AAGAB: variants seen among roughly 807,000 people sequenced by gnomAD.
AAGAB encodes alpha and gamma adaptin binding protein, also known as alpha- and gamma-adaptin-binding protein p34.
AAGAB carries 38 observed loss-of-function variants against 44.1 expected under a neutral mutation model. That is an observed-to-expected ratio of 0.86 (90% CI 0.67 to 1.13). The LOEUF (loss-of-function observed/expected upper bound fraction) is 1.13. Ranked by LOEUF, AAGAB falls within the 50% of genes most tolerant of loss-of-function variation. The pLI is 0.00. For missense variants in AAGAB, 450 were observed against 373.8 expected (o/e 1.20, Z -1.68); for synonymous variants, 131 against 131.8 (o/e 0.99, Z 0.04).
rs1176532186 is a variant in AAGAB at position 67,236,465 on chromosome 15, C to T, written c.304G>A (p.Ala102Thr). 6.2e-7 allele frequency: 1 copy of T among 1,613,906 alleles called. No homozygotes were observed. Among genetic ancestry groups the T allele is most frequent in the Non-Finnish European group, 8.5e-7 (1 of 1,179,968 alleles). The change falls in exon 3 of 10, where the codon GCA (alanine) becomes ACA (threonine). Residue 102 changes from alanine to threonine, a missense_variant. Transcript: ENST00000261880. Reference sequence around the variant, plus strand: ...ATCACCTCAGGTAACCATGCTTTTGCCAGTGGAAGCCATGAGGAGACACTA... The same window carrying T: ...ATCACCTCAGGTAACCATGCTTTTGTCAGTGGAAGCCATGAGGAGACACTA... ...LDSVSSWLPL[A>T]KAWLPEVMIL...
chr15:67,204,743 T>G (rs77189808), intron 7 of AAGAB, among the ~76,000 whole-genome samples: 2 of 152,344 alleles, frequency 1.3e-5, no homozygotes, highest in Non-Finnish European at 2.9e-5. Context: ...TGTTTCTACC[T>G]TGGCACACTG....
chr15:67,252,880 G>C (rs1567035469), intron 1 of AAGAB, among the ~76,000 whole-genome samples: 1 of 152,182 alleles, frequency 6.6e-6, no homozygotes, highest in Non-Finnish European at 1.5e-5. Flanking sequence ...TCATTTGACA[G>C]GTGTAGCAAA....
chr15:67,222,236 G>GCACACACACACACA (rs1428034588), intron 5 of AAGAB, among the ~76,000 whole-genome samples: 1 of 39,234 alleles, frequency 2.5e-5, no homozygotes, highest in African/African-American at 9.2e-5. Flanking sequence ...GCGCACGCGC[G>GCACACACACACACA]CGCGCGCACA....
intron 5 of AAGAB, among the ~76,000 whole-genome samples, chr15:67,231,048 T>G (rs931959040): frequency 6.7e-6 from 1 of 149,278 alleles, no homozygotes; most frequent in Admixed American, 6.7e-5. Context: ...AATACACAAC[T>G]TTTTTTTTTG....
chr15:67,214,701 C>T (rs772856033), intron 5 of AAGAB, among the ~76,000 whole-genome samples: 4 of 151,648 alleles, frequency 2.6e-5, no homozygotes, highest in East Asian at 1.9e-4. Flanking sequence ...AGTGCAGTGG[C>T]GCGATCTCGG....
rs763336419 is a variant in AAGAB, at chr15:67,209,550, A to G, written c.536-6T>C. ...GCTAAAGCCTTGGTTCCTATCTGAA[A>G]AGGAAAAATACACTTAGTGAAATTT... is the stretch of plus-strand genomic sequence containing the variant. On this transcript the variant is annotated splice_polypyrimidine_tract_variant and splice_region_variant and intron_variant, in intron 5 of 9. Coordinates refer to ENST00000261880, the MANE Select transcript of AAGAB (RefSeq NM_024666.5). 1.2e-6 allele frequency: 2 copies of G among 1,609,912 alleles called. No homozygotes were observed. The highest frequency in any genetic ancestry group is 1.7e-6 in the Non-Finnish European group (2 of 1,176,348).
intron 1 of AAGAB, chr15:67,243,020 G>A (rs926985484): frequency 1.3e-5 from 2 of 152,084 alleles, no homozygotes; most frequent in Non-Finnish European, 2.9e-5. Flanking sequence ...TATCACAGTG[G>A]AAACATTTTA....
Position 67,209,457 on chromosome 15 carries a change from T to G in AAGAB, c.618+5A>C, listed in dbSNP as rs890805128. The G allele has an allele frequency of 6.2e-7, 1 of 1,612,812 alleles. No homozygotes were observed. Among genetic ancestry groups the G allele is most frequent in the Admixed American group, 1.7e-5 (1 of 59,956 alleles). ...AGGGAAAAAAGATCCAAGAAAAACC[T>G]TTACCTCTGGGTGACAGGGATCTGC... On this transcript the variant is annotated splice_donor_5th_base_variant and intron_variant, in intron 6 of 9. Coordinates refer to ENST00000261880, the MANE Select transcript of AAGAB (RefSeq NM_024666.5).
chr15:67,202,710 T>G lies in AAGAB; in HGVS notation c.*111A>C. 1 of 949,792 alleles carries G rather than the reference T, an allele frequency of 1.1e-6. No homozygotes were observed. Among genetic ancestry groups the G allele is most frequent in the Non-Finnish European group, 1.7e-6 (1 of 590,496 alleles). The allele number at this position is 949,792 out of a possible 1,614,324, so 58.8% of individuals were successfully genotyped here. ...AAATTAAGGGGACCCTATAAACAAG[T>G]CAGGCAGCCAACATGATAAGGGCAA... On this transcript the variant is annotated 3_prime_UTR_variant, in exon 10 of 10. Coordinates refer to ENST00000261880, the MANE Select transcript of AAGAB (RefSeq NM_024666.5).
chr15:67,254,418 G>A (rs1659873903), intron 1 of AAGAB, 141 bp downstream of exon 1: 5 of 1,440,392 alleles, frequency 3.5e-6, no homozygotes, highest in Non-Finnish European at 4.6e-6. Flanking sequence ...AGCCACCTGG[G>A]GAGACTGGGC....
In AAGAB at chr15:67,204,038, G is replaced by C. The variant is rs768157646; in HGVS notation, c.820+6C>G. The stretch of plus-strand genomic sequence containing the variant: ...GGAACATATTAGACACAATGGATCT[G>C]ATTACCTTTCATTTCCTTTAACTTT... On this transcript the variant is annotated splice_donor_region_variant and intron_variant, in intron 8 of 9. Transcript: ENST00000261880. 2 of 1,547,712 alleles carry C rather than the reference G, an allele frequency of 1.3e-6. No homozygotes were observed. Among genetic ancestry groups the C allele is most frequent in the South Asian group, 2.2e-5 (2 of 89,206 alleles).
intron 5 of AAGAB, among the ~76,000 whole-genome samples, chr15:67,228,387 T>C (rs534550026): frequency 6.6e-6 from 1 of 152,350 alleles, no homozygotes; most frequent in South Asian, 2.1e-4. Flanking sequence ...GACCAAGCCT[T>C]AATTTGAATT....
chr15:67,208,623 G>A lies in AAGAB; in HGVS notation c.654C>T (p.Ser218=), dbSNP rs933835191. The A allele has an allele frequency of 1.5e-5, 25 of 1,613,956 alleles. 1 individual carries two copies. In the Middle Eastern group the frequency reaches 9.9e-4, roughly 64 times the overall value. Residue 218 remains serine (S), a synonymous_variant, in exon 7 of 10, where the codon TCC becomes TCT. Transcript: ENST00000261880. ...PHLPAADSTE[S]LSDHRGGASN... ...ATGCACCACCCCGATGATCAGAGAGGGATTCAGTACTATCTGCTGCTGGCA... is the reference window on the plus strand; with the variant it reads ...ATGCACCACCCCGATGATCAGAGAGAGATTCAGTACTATCTGCTGCTGGCA...
intron 1 of AAGAB, among the ~76,000 whole-genome samples, chr15:67,251,391 A>AT (rs1175263247): frequency 1.3e-5 from 2 of 152,108 alleles, no homozygotes; most frequent in Non-Finnish European, 1.5e-5. Flanking sequence ...CGAAAGGCAC[A>AT]TACCACTATG....
intron 4 of AAGAB, among the ~76,000 whole-genome samples, chr15:67,233,396 C>A (rs1469913481): frequency 6.6e-6 from 1 of 151,802 alleles, no homozygotes; most frequent in Non-Finnish European, 1.5e-5. Context: ...AGGTGGTATT[C>A]TTAACTACAA....
chr15:67,205,285 A>T (rs1475583063), intron 7 of AAGAB, among the ~76,000 whole-genome samples: 3 of 152,256 alleles, frequency 2.0e-5, no homozygotes, highest in Non-Finnish European at 4.4e-5. Flanking sequence ...TCACAATGCC[A>T]TATAGACAAT....
upstream of AAGAB, chr15:67,254,662 A>C (rs907902517): frequency 3.1e-6 from 5 of 1,592,738 alleles, no homozygotes; most frequent in South Asian, 3.4e-5. Context: ...TCCGTCAGGC[A>C]GCCGCTTCCG....
chr15:67,226,095 T>C (rs1213872610), intron 5 of AAGAB, among the ~76,000 whole-genome samples: 3 of 152,156 alleles, frequency 2.0e-5, no homozygotes, highest in Non-Finnish European at 4.4e-5. Context: ...TTGTTGTGAT[T>C]TGCATTTTCC....
chr15:67,227,270 AAAC>A (rs1345897410), intron 5 of AAGAB, among the ~76,000 whole-genome samples: 1 of 152,180 alleles, frequency 6.6e-6, no homozygotes, highest in Non-Finnish European at 1.5e-5. Flanking sequence ...TTTCGAACCA[AAAC>A]AACAACAAAA....
Sources: gnomAD v4.1 joint callset for allele counts (sites outside exome capture counted in the v4.1 genomes callset) on GRCh38, gnomAD v4.1.1 for gene constraint, MANE v1.5 for transcripts, NCBI Gene and HGNC (gene_info 2026-07-23, HGNC 2026-07-21) for gene names.